KRABD3: variants seen among roughly 807,000 people sequenced by gnomAD.
The protein encoded by KRABD3 is KRAB domain-containing protein 3.
At chr7:149,728,439 GA>G in the KRABD3 span, 1 of 1,495,182 alleles carries the variant, frequency 6.7e-7, no homozygotes, top group Non-Finnish European at 9.1e-7. Flanking sequence ...CCCTTCCCTG[GA>G]CACAGCAGAA....
chr7:149,730,108 T>C, the KRABD3 span: 3 of 1,457,148 alleles, frequency 2.1e-6, no homozygotes, highest in Non-Finnish European at 2.7e-6. Flanking sequence ...CTGGCTCTCT[T>C]CAGGCTGATG....
At chr7:149,725,461 C>T in the KRABD3 span, 2 of 1,611,524 alleles carry the variant, frequency 1.2e-6, no homozygotes, top group Non-Finnish European at 1.7e-6. Flanking sequence ...GAAGCCTGAA[C>T]TGCAACCCCA....
At chr7:149,719,918 C>T in the KRABD3 span, 1 of 1,415,702 alleles carries the variant, frequency 7.1e-7, no homozygotes, top group South Asian at 1.5e-5. The surrounding 1 kb of genome is among the most constrained non-coding windows in gnomAD (Gnocchi z 5.6). Flanking sequence ...TGAATGTGCA[C>T]AGACCTGCAG....
chr7:149,722,454 G>A, the KRABD3 span: 4 of 1,607,970 alleles, frequency 2.5e-6, no homozygotes, highest in South Asian at 4.5e-5. Context: ...TACAAGGAAG[G>A]AAGGCCCAGG....
the KRABD3 span, chr7:149,721,561 G>A: frequency 1.9e-6 from 3 of 1,606,990 alleles, no homozygotes; most frequent in Non-Finnish European, 2.5e-6. Context: ...CAGGGACAGG[G>A]AGAACCAGCA....
the KRABD3 span, chr7:149,734,202 C>T: frequency 9.6e-7 from 1 of 1,040,104 alleles, no homozygotes; most frequent in Non-Finnish European, 1.4e-6. Flanking sequence ...TGGGTAGAGC[C>T]CCCAGGTGCT....
chr7:149,729,090 A>G, the KRABD3 span: 1 of 970,812 alleles, frequency 1.0e-6, no homozygotes, highest in South Asian at 2.2e-5. Flanking sequence ...GGTGTGCCTG[A>G]GAGCCCAGCA....
the KRABD3 span, chr7:149,715,213 C>A: frequency 8.2e-7 from 1 of 1,217,266 alleles, no homozygotes; most frequent in Non-Finnish European, 1.0e-6. Context: ...CCGGGAAGTT[C>A]AGGTCCTCGG....
At chr7:149,730,000 A>C in the KRABD3 span, 1 of 1,314,926 alleles carries the variant, frequency 7.6e-7, no homozygotes, top group East Asian at 2.9e-5. Context: ...TTCTCTGGCA[A>C]GAGAGGCAGC....
the KRABD3 span, chr7:149,724,585 G>A: frequency 8.2e-7 from 1 of 1,221,806 alleles, no homozygotes; most frequent in Non-Finnish European, 1.1e-6. Flanking sequence ...CCCTATAAAG[G>A]CCTCAAGGGA....
the KRABD3 span, chr7:149,719,647 G>A: frequency 5.6e-6 from 9 of 1,608,376 alleles, no homozygotes; most frequent in Middle Eastern, 1.7e-4. This position sits in a 1 kb window ranked among gnomAD's most constrained non-coding sequence, Gnocchi z 5.6. Flanking sequence ...TGATGCGGGA[G>A]AACTACGAGA....
the KRABD3 span, chr7:149,720,135 A>G: frequency 7.7e-6 from 12 of 1,551,072 alleles, no homozygotes; most frequent in Admixed American, 2.4e-4. Context: ...AGGGTAAGTT[A>G]TCTGTCAGAC....
the KRABD3 span, chr7:149,725,630 C>A: frequency 1.1e-6 from 1 of 899,284 alleles, no homozygotes; most frequent in Non-Finnish European, 1.6e-6. Flanking sequence ...TACTCACTCC[C>A]AAACAGCCGC....
chr7:149,728,392 C>T, the KRABD3 span: 3 of 1,063,300 alleles, frequency 2.8e-6, 1 homozygote, highest in South Asian at 3.0e-5. Flanking sequence ...CCAGGACTGA[C>T]ACGTCCAGTG....
the KRABD3 span, chr7:149,720,161 C>T: frequency 6.5e-7 from 1 of 1,549,960 alleles, no homozygotes; most frequent in Non-Finnish European, 8.7e-7. Context: ...GTGTCTCCTC[C>T]CACTCATCGG....
the KRABD3 span, chr7:149,715,095 G>C: frequency 8.1e-7 from 1 of 1,230,838 alleles, no homozygotes; most frequent in Admixed American, 4.2e-5. Context: ...CGGACCCCTC[G>C]GCGCAGTGCG....
the KRABD3 span, chr7:149,723,734 T>A: frequency 1.2e-6 from 2 of 1,606,828 alleles, no homozygotes. Context: ...TTTTCCTTAG[T>A]GAAGACCGAG....
chr7:149,718,477 T>C, the KRABD3 span, among the ~76,000 whole-genome samples: 10 of 151,998 alleles, frequency 6.6e-5, no homozygotes, highest in Non-Finnish European at 1.5e-4. Context: ...GGTCATTTTC[T>C]AGTGTCTGAT....
At chr7:149,729,452 C>T in the KRABD3 span, 2 of 1,292,294 alleles carry the variant, frequency 1.5e-6, no homozygotes, top group Non-Finnish European at 2.0e-6. Context: ...CCTCTCTGTC[C>T]CTCTGTTTCT....
Sources: allele counts gnomAD v4.1 joint callset (sites outside exome capture counted in the v4.1 genomes callset), GRCh38; gene constraint gnomAD v4.1.1; non-coding constraint Gnocchi (gnomAD v3.1); transcripts MANE v1.5; gene names NCBI Gene and HGNC (gene_info 2026-07-23, HGNC 2026-07-21).